ARHGEF10: variants seen among roughly 807,000 people sequenced by gnomAD.
ARHGEF10 encodes the protein Rho guanine nucleotide exchange factor 10, also known as Rho guanine nucleotide exchange factor (GEF) 10.
In ARHGEF10, 140 loss-of-function variants were observed where a neutral mutation model predicts 147.4. The observed-to-expected ratio is 0.95, with a 90% CI of 0.83 to 1.09. The LOEUF (loss-of-function observed/expected upper bound fraction) is 1.09. ARHGEF10 is among the 50% of genes least tolerant of loss of function. The pLI is 0.00. For synonymous variants in ARHGEF10, 902 were observed against 695.8 expected (o/e 1.30, Z -4.67); for missense variants, 2,222 against 1,752.7 (o/e 1.27, Z -4.78).
intron 7 of ARHGEF10, 129 bp from the exon 8 acceptor site, chr8:1,876,442 G>GAA (rs1807711040): frequency 1.0e-6 from 1 of 993,762 alleles, no homozygotes; most frequent in African/African-American, 1.6e-5. Context: ...GGCTCCGCAG[G>GAA]GTCCTCAGCA....
At chr8:1,906,553 A>G (rs1038062583) in intron 17 of ARHGEF10, among the ~76,000 whole-genome samples, 5 of 152,160 alleles carry the variant, frequency 3.3e-5, no homozygotes, top group Admixed American at 1.3e-4. Context: ...TCCAGCGGCC[A>G]GATATATCTG....
chr8:1,896,434 T>C lies in ARHGEF10; in HGVS notation c.1542T>C (p.Phe514=), dbSNP rs749685541. Residue 514 remains phenylalanine (F), a synonymous_variant, in exon 14 of 29, where the codon TTT becomes TTC. Coordinates refer to ENST00000349830, the MANE Select transcript of ARHGEF10 (RefSeq NM_014629.4). The part of the protein sequence containing the change: ...LKKTCATKPA[F]LEFLKQEQEA... ...AAACATGTGCCACAAAGCCCGCTTTTCTTGAATTTTTAAAGGTAAGCGCTT... is the reference window on the plus strand; with the variant it reads ...AAACATGTGCCACAAAGCCCGCTTTCCTTGAATTTTTAAAGGTAAGCGCTT... 6.8e-6 allele frequency: 11 copies of C among 1,613,412 alleles called. No homozygotes were observed. The Admixed American group carries it at 1.3e-4, about 20-fold the overall frequency.
chr8:1,890,385 G>A (rs1364291740), intron 11 of ARHGEF10, among the ~76,000 whole-genome samples: 1 of 150,744 alleles, frequency 6.6e-6, no homozygotes, highest in Non-Finnish European at 1.5e-5. Flanking sequence ...GAGTCTGTGA[G>A]GAGACACTGA....
At position 1,928,541 on chromosome 8, in the gene ARHGEF10, G is replaced by C. The variant is rs61752020; in HGVS notation, c.2812G>C (p.Val938Leu). ...VESRILCMLY[V>L]PVEEKRREPG... ...ATCTCGCATCCTGTGCATGCTGTAC[G>C]TTCCCGTCGAGGAGAAGCGCAGAGA... The change falls in exon 24 of 29, where the codon GTT (valine) becomes CTT (leucine). Residue 938 changes from valine to leucine, a missense_variant. Transcript: ENST00000349830. The C allele has an allele frequency of 6.2e-7, 1 of 1,614,186 alleles. No individual in the cohort carries two copies. Among genetic ancestry groups the C allele is most frequent in the South Asian group, 1.1e-5 (1 of 91,084 alleles).
intron 11 of ARHGEF10, among the ~76,000 whole-genome samples, chr8:1,889,484 G>C (rs1455622326): frequency 4.8e-5 from 3 of 62,892 alleles, no homozygotes; most frequent in African/African-American, 2.7e-4. Context: ...ACACTGAGTG[G>C]GGTGAGGGGT....
At position 1,826,352 on chromosome 8, in the gene ARHGEF10, ATGTGTT is replaced by A. The variant is rs558251572; in HGVS notation, c.-48+2249_-48+2254del. Among the ~76,000 whole-genome samples, 109 of 151,124 alleles carry A rather than the reference ATGTGTT, an allele frequency of 7.2e-4. 1 individual carries two copies. Among genetic ancestry groups the A allele is most frequent in the African/African-American group, 2.5e-3 (102 of 41,036 alleles). On this transcript the variant is annotated intron_variant, in intron 1 of 28. Transcript: ENST00000349830. ...CATACGTGTGCGTGTGTCTTTGTGT[ATGTGTT>A]TGTGTTTGTATGCATGTGTGTGCGT...
In ARHGEF10 at chr8:1,887,898, A is replaced by G. The variant is rs116971754; in HGVS notation, c.1182+2191A>G. On this transcript the variant is annotated intron_variant, in intron 11 of 28. Coordinates refer to ENST00000349830, the MANE Select transcript of ARHGEF10 (RefSeq NM_014629.4). ...GTCACCAAGTGCCGTGAGAGTTGCA[A>G]GGAAACACGGAGTGGGGTGCGGGTC... Among the ~76,000 whole-genome samples, 216 of 148,500 alleles carry G rather than the reference A, an allele frequency of 1.5e-3. 5 individuals are homozygous for G. The East Asian group carries it at 0.028, about 19-fold the overall frequency.
chr8:1,884,116 G>A (rs752567753), intron 10 of ARHGEF10, among the ~76,000 whole-genome samples: 6 of 152,138 alleles, frequency 3.9e-5, no homozygotes, highest in African/African-American at 9.7e-5. Flanking sequence ...ATCCTTGGCC[G>A]GGCACGGTGG....
intron 25 of ARHGEF10, among the ~76,000 whole-genome samples, chr8:1,931,684 G>A (rs927446571): frequency 1.3e-5 from 2 of 152,244 alleles, no homozygotes; most frequent in Non-Finnish European, 2.9e-5. Flanking sequence ...GCCCCTCACT[G>A]TTGCCAGAGC....
At chr8:1,906,442 C>G (rs564895243) in intron 17 of ARHGEF10, among the ~76,000 whole-genome samples, 4 of 152,274 alleles carry the variant, frequency 2.6e-5, no homozygotes, top group African/African-American at 9.6e-5. Flanking sequence ...TTGCCCAACA[C>G]GATGTGTTAG....
chr8:1,869,529 A>T (rs13273741), intron 7 of ARHGEF10: 3 of 572,292 alleles, frequency 5.2e-6, no homozygotes, highest in Admixed American at 5.6e-5. Flanking sequence ...TAGGAAACAC[A>T]GAGGCTGAGA....
At chr8:1,831,432 A>T (rs1803095188) in intron 1 of ARHGEF10, among the ~76,000 whole-genome samples, 1 of 135,638 alleles carries the variant, frequency 7.4e-6, no homozygotes, top group Non-Finnish European at 1.6e-5. Context: ...AGACAGTGTG[A>T]CATCTGTGGA....
At chr8:1,844,606 G>A (rs981604018) in intron 2 of ARHGEF10, among the ~76,000 whole-genome samples, 1 of 152,146 alleles carries the variant, frequency 6.6e-6, no homozygotes, top group Non-Finnish European at 1.5e-5. Flanking sequence ...AGACCACGGG[G>A]TACGGGACCC....
chr8:1,928,368 C>G (rs765745684), intron 23 of ARHGEF10, 59 bp from the exon 24 acceptor site: 1 of 1,510,172 alleles, frequency 6.6e-7, no homozygotes, highest in African/African-American at 1.4e-5. Flanking sequence ...CAGGTTCCAG[C>G]GTATTATGGA....
chr8:1,920,031 T>TGTGG (rs1563286337), intron 18 of ARHGEF10, among the ~76,000 whole-genome samples: 1 of 105,048 alleles, frequency 9.5e-6, no homozygotes. Flanking sequence ...GGAGCTGTTC[T>TGTGG]ATGGGTGATG....
chr8:1,867,309 G>T (rs1315469004), intron 6 of ARHGEF10, among the ~76,000 whole-genome samples: 1 of 152,136 alleles, frequency 6.6e-6, no homozygotes, highest in Non-Finnish European at 1.5e-5. Context: ...TTACTTAAAG[G>T]ACAGACTAGA....
At chr8:1,909,148 G>C (rs1811153480) in intron 17 of ARHGEF10, 147 bp from the exon 18 acceptor site, 1 of 1,218,038 alleles carries the variant, frequency 8.2e-7, no homozygotes, top group East Asian at 2.3e-5. Context: ...CAGTAAGAAA[G>C]TCAGAAGCAC....
intron 1 of ARHGEF10, among the ~76,000 whole-genome samples, chr8:1,836,520 C>T (rs772963932): frequency 6.6e-6 from 1 of 152,170 alleles, no homozygotes; most frequent in African/African-American, 2.4e-5. Context: ...AAGACAGGCT[C>T]TAGACCCCCG....
chr8:1,876,646 G>C lies in ARHGEF10; in HGVS notation c.755G>C (p.Ser252Thr), dbSNP rs942068410. 3.7e-6 allele frequency: 6 copies of C among 1,614,118 alleles called. No homozygotes were observed. The African/African-American group carries it at 8.0e-5, about 22-fold the overall frequency. The change falls in exon 8 of 29, where the codon AGT becomes ACT. Residue 252 changes from serine (S) to threonine (T), a missense_variant. Coordinates refer to ENST00000349830, the MANE Select transcript of ARHGEF10 (RefSeq NM_014629.4). ...NSSLEYGWSS[S>T]EFESYEEQSD... is the part of the protein sequence containing the mutation. ...TCCTTGGAATACGGATGGAGTTCGA[G>C]TGAATTTGAAAGTTACGAAGAGCAG... is the stretch of plus-strand genomic sequence containing the variant.
Sources: gnomAD v4.1 joint callset for allele counts (sites outside exome capture counted in the v4.1 genomes callset) on GRCh38, gnomAD v4.1.1 for gene constraint, MANE v1.5 for transcripts, NCBI Gene and HGNC (gene_info 2026-07-23, HGNC 2026-07-21) for gene names.